Variants in AOAH observed in about 807,000 individuals in gnomAD.
The protein encoded by AOAH is acyloxyacyl hydrolase, also known as acyloxyacyl hydrolase (neutrophil).
In AOAH, 64 loss-of-function variants were observed where a neutral mutation model predicts 92.2. The ratio of observed to expected loss-of-function variants is 0.69; its 90% confidence interval spans 0.57 to 0.86. The LOEUF (loss-of-function observed/expected upper bound fraction) is 0.86, where lower values mean the gene tolerates loss of function less well. AOAH is among the 40% of genes least tolerant of loss of function. AOAH has a pLI of 0.00. For missense variants in AOAH, 656 were observed against 694.6 expected (o/e 0.94, Z 0.62); for synonymous variants, 263 against 254.5 (o/e 1.03, Z -0.32).
chr7:36,598,758 A>G (rs1233637507), intron 11 of AOAH, among the ~76,000 whole-genome samples: 2 of 152,228 alleles, frequency 1.3e-5, no homozygotes, highest in Non-Finnish European at 2.9e-5. Context: ...TTAATAGCAA[A>G]TGTTTTATAG....
chr7:36,577,936 T>C (rs919840579), intron 12 of AOAH, among the ~76,000 whole-genome samples: 3 of 152,248 alleles, frequency 2.0e-5, no homozygotes. Context: ...ATTACAGTGC[T>C]TGGCAACTGT....
At chr7:36,698,708 G>A (rs1283405910) in intron 1 of AOAH, among the ~76,000 whole-genome samples, 1 of 151,736 alleles carries the variant, frequency 6.6e-6, no homozygotes, top group African/African-American at 2.4e-5. Context: ...CATATTTTCA[G>A]GGCACCTGTG....
rs148897832 is a variant in AOAH, at chr7:36,634,241, A to T, written c.451-2135T>A. Among the ~76,000 whole-genome samples, 183 of 152,224 alleles carry T rather than the reference A, an allele frequency of 1.2e-3. 1 individual carries two copies. The highest frequency in any genetic ancestry group is 4.3e-3 in the African/African-American group (178 of 41,530). On this transcript the variant is annotated intron_variant, in intron 5 of 20. Coordinates refer to ENST00000617537, the MANE Select transcript of AOAH (RefSeq NM_001637.4). ...CTGCCTCCAAAGAAAGAAACAGTAA[A>T]ACCTCGAAGGCAGAAATGAAATCCA...
At chr7:36,523,156 G>A (rs78351862) in intron 19 of AOAH, among the ~76,000 whole-genome samples, 6,473 of 152,258 alleles carry the variant, frequency 0.043, 413 homozygotes, top group African/African-American at 0.14. Flanking sequence ...AATTCATACT[G>A]ATGGTTTGGA....
At chr7:36,622,998 C>A (rs933965697) in intron 7 of AOAH, among the ~76,000 whole-genome samples, 192 bp downstream of exon 7, 1 of 152,124 alleles carries the variant, frequency 6.6e-6, no homozygotes, top group African/African-American at 2.4e-5. Flanking sequence ...GGAGACCATG[C>A]CACTGCACTC....
At chr7:36,694,948 A>G (rs201129660) in intron 1 of AOAH, among the ~76,000 whole-genome samples, 3 of 151,390 alleles carry the variant, frequency 2.0e-5, no homozygotes, top group Non-Finnish European at 4.4e-5. Context: ...GAGGGAGAGA[A>G]AGAGAGAGAG....
intron 4 of AOAH, among the ~76,000 whole-genome samples, chr7:36,650,169 C>A (rs371365622): frequency 1.5e-5 from 2 of 134,642 alleles, no homozygotes; most frequent in African/African-American, 2.9e-5. Flanking sequence ...GGCCCACCAC[C>A]GTCTTGGGAG....
At chr7:36,712,355 G>A (rs959411204) in intron 1 of AOAH, among the ~76,000 whole-genome samples, 1 of 152,074 alleles carries the variant, frequency 6.6e-6, no homozygotes. Context: ...AAAAATTCAG[G>A]TTTTTTCTTA....
At chr7:36,570,553 T>C (rs1339730634) in intron 13 of AOAH, among the ~76,000 whole-genome samples, 1 of 152,164 alleles carries the variant, frequency 6.6e-6, no homozygotes, top group Non-Finnish European at 1.5e-5. Context: ...TAGTTTAATT[T>C]TTCATTTTTG....
At chr7:36,659,407 G>T (rs372635534) in intron 3 of AOAH, 142 bp from the exon 4 acceptor site, 26 of 657,830 alleles carry the variant, frequency 4.0e-5, no homozygotes, top group African/African-American at 2.7e-4. Flanking sequence ...CCCCAATCCC[G>T]GGGAGCTGCT....
intron 4 of AOAH, among the ~76,000 whole-genome samples, chr7:36,641,002 C>G (rs1220021117): frequency 1.3e-5 from 2 of 152,162 alleles, no homozygotes; most frequent in Non-Finnish European, 2.9e-5. Context: ...TGGTTTACAT[C>G]ACCCTCAGGG....
intron 1 of AOAH, among the ~76,000 whole-genome samples, chr7:36,702,842 C>T (rs1798115182): frequency 6.6e-6 from 1 of 152,060 alleles, no homozygotes; most frequent in African/African-American, 2.4e-5. Flanking sequence ...CATTGACTCT[C>T]CCTTTCATGG....
intron 9 of AOAH, among the ~76,000 whole-genome samples, chr7:36,620,222 C>T (rs1475770595): frequency 6.6e-6 from 1 of 152,022 alleles, no homozygotes; most frequent in Non-Finnish European, 1.5e-5. Flanking sequence ...AGCTTAACAC[C>T]CCACAAACTT....
At chr7:36,647,943 G>A (rs1278066458) in intron 4 of AOAH, among the ~76,000 whole-genome samples, 1 of 151,594 alleles carries the variant, frequency 6.6e-6, no homozygotes, top group African/African-American at 2.4e-5. Context: ...CTATTCTCCT[G>A]TCTCAGCCTC....
intron 1 of AOAH, among the ~76,000 whole-genome samples, chr7:36,700,776 G>A (rs541146991): frequency 1.3e-5 from 2 of 152,156 alleles, no homozygotes; most frequent in South Asian, 4.1e-4. Flanking sequence ...TTCCACAGAG[G>A]TTGTACTAAT....
chr7:36,674,127 A>G, intron 2 of AOAH, 118 bp from the exon 3 acceptor site: 1 of 634,442 alleles, frequency 1.6e-6, no homozygotes, highest in South Asian at 2.2e-5. Context: ...GATTAATTTA[A>G]TTTTAAGGAT....
intron 5 of AOAH, among the ~76,000 whole-genome samples, chr7:36,637,213 ATAAC>A (rs1034441930): frequency 1.1e-4 from 16 of 152,218 alleles, no homozygotes; most frequent in Admixed American, 7.2e-4. Flanking sequence ...AAAAATTATG[ATAAC>A]TAACTCACAT....
chr7:36,678,608 C>CTT (rs1796447344), intron 2 of AOAH, among the ~76,000 whole-genome samples: 2 of 118,480 alleles, frequency 1.7e-5, no homozygotes, highest in African/African-American at 5.7e-5. Context: ...TGTGCGCGCG[C>CTT]GCGCGCGTTA....
At chr7:36,539,353 C>T (rs527782439) in intron 16 of AOAH, among the ~76,000 whole-genome samples, 5 of 152,190 alleles carry the variant, frequency 3.3e-5, no homozygotes, top group East Asian at 1.9e-4. Context: ...CAATATGGGG[C>T]TGAGAGGAAG....
Sources: gnomAD v4.1 joint callset for allele counts (sites outside exome capture counted in the v4.1 genomes callset) on GRCh38, gnomAD v4.1.1 for gene constraint, MANE v1.5 for transcripts, NCBI Gene and HGNC (gene_info 2026-07-23, HGNC 2026-07-21) for gene names.